The following LRRFIP1 variants were observed in gnomAD, a reference collection of about 807,000 sequenced individuals.
LRRFIP1 encodes the protein leucine-rich repeat flightless-interacting protein 1.
A neutral mutation model predicts 104.4 loss-of-function variants in LRRFIP1; 62 were observed. The observed-to-expected ratio is 0.59, with a 90% CI of 0.48 to 0.73. The LOEUF (loss-of-function observed/expected upper bound fraction) is 0.73. LRRFIP1 is among the 30% of genes least tolerant of loss of function. The pLI, the probability that LRRFIP1 is intolerant of heterozygous loss-of-function variation, is 0.00. For synonymous variants in LRRFIP1, 300 were observed against 299.0 expected (o/e 1.00, Z -0.03); for missense variants, 796 against 824.5 (o/e 0.97, Z 0.42).
chr2:237,667,943 A>G (rs1575307974), intron 1 of LRRFIP1, among the ~76,000 whole-genome samples: 1 of 151,358 alleles, frequency 6.6e-6, no homozygotes, highest in Admixed American at 6.6e-5. Context: ...TTTACAGTAC[A>G]CCCTTTAGCA....
rs1352328070 is a variant in LRRFIP1, at chr2:237,703,749, C to T, written c.97-4795C>T. Reference sequence around the variant, plus strand: ...GGTGCTTTGCCTGTTTCCCTGGAGACTGGGCACCCAAACCACATTTCAGAA... The same window carrying T: ...GGTGCTTTGCCTGTTTCCCTGGAGATTGGGCACCCAAACCACATTTCAGAA... On this transcript the variant is annotated intron_variant, in intron 1 of 23. Coordinates refer to ENST00000308482, the MANE Select transcript of LRRFIP1 (RefSeq NM_001137550.2). This position sits in a 1 kb window ranked among gnomAD's most constrained non-coding sequence, Gnocchi z 4.3. Among the ~76,000 whole-genome samples the T allele has an allele frequency of 6.6e-6, 1 of 152,040 alleles. No individual in the cohort carries two copies. The highest frequency in any genetic ancestry group is 6.6e-5 in the Admixed American group (1 of 15,256).
At chr2:237,632,811 T>C (rs1473223506) in intron 1 of LRRFIP1, among the ~76,000 whole-genome samples, 1 of 152,078 alleles carries the variant, frequency 6.6e-6, no homozygotes, top group Non-Finnish European at 1.5e-5. Context: ...GCTGCAAAGA[T>C]GCAAATCTGG....
At chr2:237,640,546 G>C (rs2083786866) in intron 1 of LRRFIP1, among the ~76,000 whole-genome samples, 2 of 152,048 alleles carry the variant, frequency 1.3e-5, no homozygotes, top group Admixed American at 1.3e-4. Context: ...TCACCCCCCA[G>C]GACCACCCCC....
chr2:237,745,489 G>A (rs982501083), intron 11 of LRRFIP1, among the ~76,000 whole-genome samples: 1 of 152,088 alleles, frequency 6.6e-6, no homozygotes, highest in Non-Finnish European at 1.5e-5. Context: ...GCAAACTATG[G>A]TTTTTGGGGT....
chr2:237,726,779 C>CT (rs2094770105), intron 7 of LRRFIP1, among the ~76,000 whole-genome samples: 1 of 152,094 alleles, frequency 6.6e-6, no homozygotes, highest in South Asian at 2.1e-4. Flanking sequence ...CTTGACAGCT[C>CT]TATTTTGAAT....
intron 1 of LRRFIP1, among the ~76,000 whole-genome samples, chr2:237,679,940 T>C (rs1348919837): frequency 6.6e-6 from 1 of 152,032 alleles, no homozygotes; most frequent in African/African-American, 2.4e-5. Context: ...AATGATAAAA[T>C]CCCACTCAAT....
intron 7 of LRRFIP1, among the ~76,000 whole-genome samples, chr2:237,723,926 T>C (rs1424021479): frequency 1.3e-5 from 2 of 152,220 alleles, no homozygotes; most frequent in South Asian, 2.1e-4. Flanking sequence ...GGAACTCAAA[T>C]CAGATCAAGA....
intron 11 of LRRFIP1, among the ~76,000 whole-genome samples, chr2:237,747,102 G>A (rs1057395868): frequency 6.6e-6 from 1 of 152,210 alleles, no homozygotes; most frequent in East Asian, 1.9e-4. Context: ...CAGGCCGCAG[G>A]GTTTAGCTTG....
intron 6 of LRRFIP1, 139 bp from the exon 7 acceptor site, chr2:237,723,409 A>G (rs1210867340): frequency 7.6e-6 from 6 of 793,012 alleles, no homozygotes; most frequent in Non-Finnish European, 6.3e-6. Flanking sequence ...TACATATTAG[A>G]TCCTAGAAAT....
intron 6 of LRRFIP1, among the ~76,000 whole-genome samples, chr2:237,723,342 A>G (rs1354567100): frequency 6.6e-6 from 1 of 152,240 alleles, no homozygotes; most frequent in Non-Finnish European, 1.5e-5. Flanking sequence ...ATGGAAGTTT[A>G]TTGAATGCTA....
At chr2:237,731,068 G>T (rs1211937354) in intron 8 of LRRFIP1, among the ~76,000 whole-genome samples, 2 of 152,242 alleles carry the variant, frequency 1.3e-5, no homozygotes, top group East Asian at 3.8e-4. Flanking sequence ...CAGGAGAGGT[G>T]CCATGTGGCT....
chr2:237,642,324 T>C (rs1369866321), intron 1 of LRRFIP1, among the ~76,000 whole-genome samples: 1 of 152,244 alleles, frequency 6.6e-6, no homozygotes, highest in Non-Finnish European at 1.5e-5. Context: ...GGTTCTAGGC[T>C]GCACGCCTGG....
At chr2:237,759,817 T>G (rs867653649) in intron 18 of LRRFIP1, among the ~76,000 whole-genome samples, 23 of 152,172 alleles carry the variant, frequency 1.5e-4, no homozygotes, top group African/African-American at 5.5e-4. Flanking sequence ...TGGAAGTAGC[T>G]TGTCACCAGC....
Position 237,649,999 on chromosome 2 carries a change from C to T in LRRFIP1, c.96+22259C>T, listed in dbSNP as rs569080305. On this transcript the variant is annotated intron_variant, in intron 1 of 23. Coordinates refer to ENST00000308482, the MANE Select transcript of LRRFIP1 (RefSeq NM_001137550.2). This position sits in a 1 kb window ranked among gnomAD's most constrained non-coding sequence, Gnocchi z 4.1. ...ACATTCCCTGTGCTGGGGACTTCCC[C>T]GGGCACTGGGGACACTGTAGTGCAC... Among the ~76,000 whole-genome samples, 7 of 152,048 alleles carry T rather than the reference C, an allele frequency of 4.6e-5. No individual in the cohort carries two copies. Among genetic ancestry groups the T allele is most frequent in the South Asian group, 2.1e-4 (1 of 4,822 alleles).
At chr2:237,657,291 A>C (rs183579891) in intron 1 of LRRFIP1, among the ~76,000 whole-genome samples, 1 of 152,246 alleles carries the variant, frequency 6.6e-6, no homozygotes, top group African/African-American at 2.4e-5. Context: ...ACATATGTAA[A>C]ATTGGAGTAT....
chr2:237,687,376 G>A (rs1471651202), intron 1 of LRRFIP1, among the ~76,000 whole-genome samples: 7 of 151,986 alleles, frequency 4.6e-5, no homozygotes, highest in East Asian at 3.9e-4. Context: ...AGGGTGAGGC[G>A]GGTGGTTCAC....
intron 13 of LRRFIP1, among the ~76,000 whole-genome samples, chr2:237,750,615 C>T (rs55881277): frequency 0.17 from 26,580 of 152,032 alleles, 2,477 homozygotes; most frequent in East Asian, 0.33. Flanking sequence ...GGATTCCAGG[C>T]GTGAGCCGCT....
chr2:237,713,301 C>A (rs570581394), intron 2 of LRRFIP1, among the ~76,000 whole-genome samples: 18 of 152,300 alleles, frequency 1.2e-4, no homozygotes, highest in African/African-American at 4.3e-4. Context: ...ACAGCTTACT[C>A]TAGCTGCGTT....
Position 237,735,386 on chromosome 2 carries a change from G to A in LRRFIP1, c.555+53G>A. 3 of 1,563,314 alleles carry A rather than the reference G, an allele frequency of 1.9e-6. No individual in the cohort carries two copies. The Admixed American group carries it at 5.3e-5, about 28-fold the overall frequency. ...TCCCCCGTGCCTGCTGCATGGCCTG[G>A]GGATGCTCGCTGGGCAGGGTCCAGC... On this transcript the variant is annotated intron_variant, in intron 10 of 23. Coordinates refer to ENST00000308482, the MANE Select transcript of LRRFIP1 (RefSeq NM_001137550.2). This position sits in a 1 kb window ranked among gnomAD's most constrained non-coding sequence, Gnocchi z 4.6.
Sources: allele counts gnomAD v4.1 joint callset (sites outside exome capture counted in the v4.1 genomes callset), GRCh38; gene constraint gnomAD v4.1.1; non-coding constraint Gnocchi (gnomAD v3.1); transcripts MANE v1.5; gene names NCBI Gene and HGNC (gene_info 2026-07-23, HGNC 2026-07-21).